TRPM3: variants seen among roughly 807,000 people sequenced by gnomAD.
TRPM3 encodes the protein transient receptor potential cation channel subfamily M member 3.
In TRPM3, 77 loss-of-function variants were observed where a neutral mutation model predicts 181.2. That is an observed-to-expected ratio of 0.42 (90% confidence interval 0.35 to 0.51). The LOEUF is 0.51. Ranked by LOEUF, TRPM3 falls within the 20% of genes least tolerant of loss-of-function variation. The pLI is 0.01. For synonymous variants in TRPM3, 745 were observed against 796.4 expected (o/e 0.94, Z 1.09); for missense variants, 1,759 against 2,196.7 (o/e 0.80, Z 3.98).
rs533490579 is a variant in TRPM3 at position 70,863,665 on chromosome 9, T to C, written c.258-553A>G. On this transcript the variant is annotated intron_variant, in intron 2 of 25. Transcript: ENST00000677713. The stretch of plus-strand genomic sequence containing the variant: ...GAAACAATGAAAAATATTCATGAGA[T>C]ATTTGAAAACTTAAACTTTGCTCTA... Among the ~76,000 whole-genome samples, 4 of 152,306 alleles carry C rather than the reference T, an allele frequency of 2.6e-5. No homozygotes were observed. In the East Asian group the frequency reaches 7.7e-4, roughly 29 times the overall value.
At chr9:70,925,768 C>T (rs954807458) in intron 1 of TRPM3, among the ~76,000 whole-genome samples, 3 of 151,894 alleles carry the variant, frequency 2.0e-5, no homozygotes, top group Non-Finnish European at 2.9e-5. Context: ...TTTCAGCCAG[C>T]GCGGGAGAGA....
chr9:71,152,468 T>C (rs2075784348), intron 1 of TRPM3, among the ~76,000 whole-genome samples: 1 of 152,146 alleles, frequency 6.6e-6, no homozygotes, highest in Non-Finnish European at 1.5e-5. Context: ...TTGGATTTTA[T>C]TTAAAAAAGG....
At chr9:71,141,827 G>T (rs2075118438) in intron 1 of TRPM3, among the ~76,000 whole-genome samples, 1 of 151,984 alleles carries the variant, frequency 6.6e-6, no homozygotes, top group Non-Finnish European at 1.5e-5. Context: ...AATTACTTTG[G>T]CAATGACCTT....
chr9:71,340,490 C>T (rs547993723), intron 1 of TRPM3, among the ~76,000 whole-genome samples: 16 of 152,152 alleles, frequency 1.1e-4, no homozygotes, highest in South Asian at 8.3e-4. Flanking sequence ...ATAAGTCTCA[C>T]GAGATCTGAT....
chr9:70,784,036 T>G (rs572595943), intron 7 of TRPM3, 69 bp downstream of exon 7: 23 of 1,534,296 alleles, frequency 1.5e-5, no homozygotes, highest in Non-Finnish European at 1.8e-5. Context: ...ACTGAAAACA[T>G]AATCCACTCA....
chr9:71,263,304 ATAT>A (rs2083185425), intron 1 of TRPM3, among the ~76,000 whole-genome samples: 1 of 152,206 alleles, frequency 6.6e-6, no homozygotes, highest in Non-Finnish European at 1.5e-5. Flanking sequence ...ATTTGTACAA[ATAT>A]TATTTCTCTT....
At chr9:71,202,545 C>T (rs1015571670) in intron 1 of TRPM3, among the ~76,000 whole-genome samples, 2 of 152,160 alleles carry the variant, frequency 1.3e-5, no homozygotes, top group African/African-American at 4.8e-5. Context: ...TTATTAACAC[C>T]TCCTGCCTTT....
At chr9:70,801,791 A>G (rs1354032531) in intron 6 of TRPM3, among the ~76,000 whole-genome samples, 1 of 151,770 alleles carries the variant, frequency 6.6e-6, no homozygotes, top group African/African-American at 2.4e-5. Context: ...CCATTACTGT[A>G]GAAAGTAGAC....
intron 9 of TRPM3, among the ~76,000 whole-genome samples, chr9:70,674,540 C>T (rs1207781260): frequency 6.6e-6 from 1 of 151,944 alleles, no homozygotes; most frequent in East Asian, 1.9e-4. Context: ...ATTCAGAAGT[C>T]ATTTCAAAAC....
At chr9:70,558,677 C>T (rs1391947027) in intron 22 of TRPM3, among the ~76,000 whole-genome samples, 4 of 152,122 alleles carry the variant, frequency 2.6e-5, no homozygotes, top group African/African-American at 9.7e-5. Flanking sequence ...GAAACTTTGG[C>T]CAAGCACCTG....
intron 22 of TRPM3, chr9:70,579,493 T>C (rs2055050840): frequency 6.6e-6 from 1 of 152,110 alleles, no homozygotes; most frequent in African/African-American, 2.4e-5. Flanking sequence ...GATGAACTAA[T>C]GATAAGAAAA....
At chr9:71,268,218 A>G (rs2083522940) in intron 1 of TRPM3, among the ~76,000 whole-genome samples, 2 of 151,926 alleles carry the variant, frequency 1.3e-5, no homozygotes, top group South Asian at 2.1e-4. Flanking sequence ...ATGCCCTACT[A>G]AAAATACAAA....
intron 1 of TRPM3, among the ~76,000 whole-genome samples, chr9:71,357,887 A>T (rs991173711): frequency 6.6e-6 from 1 of 152,130 alleles, no homozygotes. Context: ...CTTGTAAAGC[A>T]ATATGAAACA....
intron 8 of TRPM3, among the ~76,000 whole-genome samples, chr9:70,688,459 A>C (rs1310937710): frequency 1.3e-5 from 2 of 152,054 alleles, no homozygotes; most frequent in African/African-American, 4.8e-5. Flanking sequence ...CTTCCCCCAC[A>C]AATCCCCTTA....
intron 1 of TRPM3, among the ~76,000 whole-genome samples, chr9:71,186,302 G>C (rs1405969213): frequency 1.3e-5 from 2 of 151,912 alleles, no homozygotes; most frequent in Non-Finnish European, 2.9e-5. Context: ...TTAGTCCCTA[G>C]GTTATTTACT....
chr9:70,850,309 G>C (rs2095174248), intron 3 of TRPM3, among the ~76,000 whole-genome samples: 1 of 152,028 alleles, frequency 6.6e-6, no homozygotes, highest in Non-Finnish European at 1.5e-5. Flanking sequence ...GCAGAAGAGG[G>C]GGTACTGGAG....
rs1434082951 is a variant in TRPM3, at chr9:70,621,172, A to G, written c.1839+72T>C. ...ATATATTATTTTATATATATACTAT[A>G]TATGTAGCATATATATAATGGGTAA... On this transcript the variant is annotated intron_variant, in intron 15 of 25. Coordinates refer to ENST00000677713, the MANE Select transcript of TRPM3 (RefSeq NM_001366145.2). 3.8e-6 allele frequency: 3 copies of G among 792,354 alleles called. No individual in the cohort carries two copies. In the Admixed American group the frequency reaches 9.4e-5, roughly 25 times the overall value. 49.1% of individuals were successfully genotyped at this position (792,354 alleles called of 1,614,324 possible).
intron 19 of TRPM3, among the ~76,000 whole-genome samples, chr9:70,605,406 T>C (rs139535934): frequency 1.2e-4 from 18 of 152,300 alleles, no homozygotes; most frequent in African/African-American, 4.1e-4. Flanking sequence ...GCTGGATATC[T>C]GGGCTCACTC....
chr9:71,089,160 CAT>C (rs2065778568), intron 1 of TRPM3, among the ~76,000 whole-genome samples: 1 of 146,000 alleles, frequency 6.8e-6, no homozygotes, highest in Non-Finnish European at 1.5e-5. Context: ...TATTTTATAT[CAT>C]ATATGAATAT....
Sources: gnomAD v4.1 joint callset for allele counts (sites outside exome capture counted in the v4.1 genomes callset) on GRCh38, gnomAD v4.1.1 for gene constraint, MANE v1.5 for transcripts, NCBI Gene and HGNC (gene_info 2026-07-23, HGNC 2026-07-21) for gene names.